RUFY1: variants seen among roughly 807,000 people sequenced by gnomAD.
The protein encoded by RUFY1 is RUN and FYVE domain containing 1.
RUFY1 carries 54 observed loss-of-function variants against 94.6 expected under a neutral mutation model. The ratio of observed to expected loss-of-function variants is 0.57; its 90% CI spans 0.46 to 0.72. The LOEUF (loss-of-function observed/expected upper bound fraction) is 0.72. RUFY1 is among the 30% of genes least tolerant of loss of function. RUFY1 has a pLI of 0.00. For missense variants in RUFY1, 883 were observed against 883.9 expected (o/e 1.00, Z 0.01); for synonymous variants, 396 against 347.3 (o/e 1.14, Z -1.56).
At chr5:179,608,427 C>T in intron 17 of RUFY1, 1 of 985,512 alleles carries the variant, frequency 1.0e-6, no homozygotes, top group Non-Finnish European at 1.2e-6. Flanking sequence ...CAAGGCCTGG[C>T]TGTCCCCATC....
intron 3 of RUFY1, chr5:179,562,872 G>A (rs1014149193): frequency 2.1e-6 from 1 of 483,406 alleles, no homozygotes; most frequent in Admixed American, 3.7e-5. Flanking sequence ...TTGCCACACA[G>A]GCCAAATAGG....
intron 15 of RUFY1, 41 bp from the exon 16 acceptor site, chr5:179,605,835 T>C (rs754802679): frequency 1.5e-6 from 2 of 1,365,876 alleles, no homozygotes; most frequent in Middle Eastern, 1.8e-4. Context: ...AGAGCCTCAC[T>C]CTCTCTCACT....
chr5:179,586,240 G>T, intron 8 of RUFY1: 1 of 446,348 alleles, frequency 2.2e-6, no homozygotes, highest in Non-Finnish European at 4.5e-6. Context: ...CTGTCATAAG[G>T]AATAAGTATC....
rs1178929360 is a variant in RUFY1, at chr5:179,567,523, A to G, written c.665A>G (p.Asp222Gly). 2 of 1,613,976 alleles carry G rather than the reference A, an allele frequency of 1.2e-6. No individual in the cohort carries two copies. The highest frequency in any genetic ancestry group is 1.7e-6 in the Non-Finnish European group (2 of 1,179,792). ...GCACTCATGCAAAAGAAACTGGCAGATTATCTGAAAGTGCTTATAGACAAT... is the reference window on the plus strand; with the variant it reads ...GCACTCATGCAAAAGAAACTGGCAGGTTATCTGAAAGTGCTTATAGACAAT... ...YLALMQKKLA[D>G]YLKVLIDNKH... The change falls in exon 4 of 18, where the codon GAT becomes GGT. Residue 222 changes from aspartate to glycine, a missense_variant. Transcript: ENST00000319449.
At chr5:179,606,187 T>C in intron 16 of RUFY1, 2 of 540,956 alleles carry the variant, frequency 3.7e-6, no homozygotes, top group Non-Finnish European at 6.6e-6. Context: ...CTGATGGGCA[T>C]TCCCTAAGGG....
chr5:179,605,999 C>T (rs977146608), intron 16 of RUFY1, 75 bp downstream of exon 16: 2 of 989,016 alleles, frequency 2.0e-6, no homozygotes, highest in African/African-American at 3.2e-5. Flanking sequence ...GTTTAAGTAT[C>T]CCAACAGTCA....
Position 179,596,040 on chromosome 5 carries a change from T to A in RUFY1, c.1512-522T>A, listed in dbSNP as rs73809487. The A allele has an allele frequency of 9.0e-3, 1,461 of 161,886 alleles. 30 individuals carry two copies. The highest frequency in any genetic ancestry group is 0.031 in the African/African-American group (1,303 of 41,592). 10.0% of individuals were successfully genotyped at this position (161,886 alleles called of 1,614,324 possible). ...TTATGTCTACACCAAAACTAGTACA[T>A]ATGTTTATAGCAGCTCCGTTCATAA... On this transcript the variant is annotated intron_variant, in intron 12 of 17. Coordinates refer to ENST00000319449, the MANE Select transcript of RUFY1 (RefSeq NM_025158.5).
intron 1 of RUFY1, among the ~76,000 whole-genome samples, chr5:179,554,466 G>A (rs1273633909): frequency 1.3e-5 from 2 of 151,886 alleles, no homozygotes; most frequent in Non-Finnish European, 2.9e-5. Flanking sequence ...AACCTGGGGG[G>A]TGGAGGTTGC....
chr5:179,577,827 T>C (rs1763773714), intron 6 of RUFY1, among the ~76,000 whole-genome samples: 1 of 139,260 alleles, frequency 7.2e-6, no homozygotes, highest in Non-Finnish European at 1.5e-5. Flanking sequence ...GTCCCCCGCC[T>C]GCCGAACGGG....
At chr5:179,591,821 TCAC>T in intron 10 of RUFY1, 80 bp downstream of exon 10, 1 of 853,614 alleles carries the variant, frequency 1.2e-6, no homozygotes. Context: ...TAGACATGCT[TCAC>T]CATCCTGATG....
rs762453287 is a variant in RUFY1 at position 179,591,649 on chromosome 5, G to A, written c.1153G>A (p.Glu385Lys). 1.2e-6 allele frequency: 2 copies of A among 1,612,626 alleles called. No individual in the cohort carries two copies. Among genetic ancestry groups the A allele is most frequent in the Non-Finnish European group, 8.5e-7 (1 of 1,179,366 alleles). Reference protein sequence around the residue: ...VEITKQDTKVELETYKQTRQG... With the variant: ...VEITKQDTKVKLETYKQTRQG... ...GATAACAAAACAGGATACCAAAGTT[G>A]AGCTGGAGACTTACAAGCAAACTCG... is the stretch of plus-strand genomic sequence containing the variant. The change falls in exon 10 of 18, where the codon GAG becomes AAG. Residue 385 changes from glutamate (E) to lysine (K), a missense_variant. Transcript: ENST00000319449.
intron 3 of RUFY1, among the ~76,000 whole-genome samples, chr5:179,565,000 AAGAG>A (rs10550141): frequency 0.23 from 35,195 of 151,770 alleles, 4,868 homozygotes; most frequent in East Asian, 0.63. Flanking sequence ...TTTTTGTAAA[AAGAG>A]AGAGAAAAAT....
At chr5:179,558,508 G>T (rs1053509573) in intron 1 of RUFY1, among the ~76,000 whole-genome samples, 8 of 151,600 alleles carry the variant, frequency 5.3e-5, no homozygotes, top group Non-Finnish European at 1.0e-4. Context: ...GGAGGCGAAG[G>T]TTGCAGTGAG....
chr5:179,573,598 CT>C (rs1191729969), intron 5 of RUFY1, among the ~76,000 whole-genome samples: 6 of 152,074 alleles, frequency 3.9e-5, no homozygotes, highest in Non-Finnish European at 7.3e-5. Context: ...TCTCCACTCA[CT>C]GCAACCTCCG....
At chr5:179,586,721 A>G (rs1764633237) in intron 8 of RUFY1, among the ~76,000 whole-genome samples, 1 of 152,114 alleles carries the variant, frequency 6.6e-6, no homozygotes, top group South Asian at 2.1e-4. Flanking sequence ...GAAATTCAAG[A>G]CGGTGTCACA....
At chr5:179,584,738 G>A (rs1191702527) in intron 7 of RUFY1, among the ~76,000 whole-genome samples, 1 of 151,974 alleles carries the variant, frequency 6.6e-6, no homozygotes, top group Non-Finnish European at 1.5e-5. Flanking sequence ...CTCCAGCCTG[G>A]GCGACAGAGC....
At chr5:179,590,695 G>C (rs1172469299) in intron 9 of RUFY1, among the ~76,000 whole-genome samples, 1 of 151,904 alleles carries the variant, frequency 6.6e-6, no homozygotes. Context: ...CACCATGTTG[G>C]CCAGATGGTC....
At chr5:179,603,368 G>C (rs146986893) in intron 15 of RUFY1, among the ~76,000 whole-genome samples, 700 of 152,046 alleles carry the variant, frequency 4.6e-3, no homozygotes, top group African/African-American at 0.016. Context: ...CGTCTCTCCT[G>C]TGCCTCTTAC....
intron 7 of RUFY1, among the ~76,000 whole-genome samples, chr5:179,582,757 C>A (rs1035290717): frequency 2.0e-5 from 3 of 151,982 alleles, no homozygotes; most frequent in African/African-American, 7.3e-5. Context: ...GCAGAAGAAT[C>A]GCTTGGACCC....
Sources: gnomAD v4.1 joint callset for allele counts (sites outside exome capture counted in the v4.1 genomes callset) on GRCh38, gnomAD v4.1.1 for gene constraint, MANE v1.5 for transcripts, NCBI Gene and HGNC (gene_info 2026-07-23, HGNC 2026-07-21) for gene names.